Variants in METTL24 observed in about 807,000 individuals in gnomAD.
The protein encoded by METTL24 is probable methyltransferase-like protein 24.
A neutral mutation model predicts 32.7 loss-of-function variants in METTL24; 29 were observed. The ratio of observed to expected loss-of-function variants is 0.89; its 90% confidence interval spans 0.66 to 1.21. The LOEUF (loss-of-function observed/expected upper bound fraction) is 1.21. Among genes scored for constraint, METTL24 ranks in the 50% most tolerant of loss-of-function variants. The pLI is 0.00. For synonymous variants in METTL24, 163 were observed against 179.5 expected (o/e 0.91, Z 0.73); for missense variants, 439 against 468.1 (o/e 0.94, Z 0.57).
rs1399785259 is a variant in METTL24 at position 110,297,009 on chromosome 6, C to CA, written c.786+1912dup. Among the ~76,000 whole-genome samples, 7 of 150,458 alleles carry CA rather than the reference C, an allele frequency of 4.7e-5. No homozygotes were observed. In the East Asian group the frequency reaches 5.8e-4, roughly 13 times the overall value. On this transcript the variant is annotated intron_variant, in intron 4 of 4. Transcript: ENST00000338882. ...GTTGTTTTTGTTTTAAAGCATTCACCAAAAAAAAATCTCTATGGAAGAATA... is the reference window on the plus strand; with the variant it reads ...GTTGTTTTTGTTTTAAAGCATTCACCAAAAAAAAAATCTCTATGGAAGAATA...
At chr6:110,334,708 G>A (rs9400374) in intron 1 of METTL24, among the ~76,000 whole-genome samples, 99,398 of 152,052 alleles carry the variant, frequency 0.65, 33,545 homozygotes, top group Non-Finnish European at 0.74. Context: ...TTGGTTGCAC[G>A]TAACCGTGCA....
At position 110,244,686 on chromosome 6, in the gene METTL24, A is replaced by T. The variant is rs554181313; in HGVS notation, c.*1260T>A. Among the ~76,000 whole-genome samples, 12 of 152,138 alleles carry T rather than the reference A, an allele frequency of 7.9e-5. No individual in the cohort carries two copies. The highest frequency in any genetic ancestry group is 1.6e-4 in the Non-Finnish European group (11 of 68,018). On this transcript the variant is annotated 3_prime_UTR_variant, in exon 5 of 5. Transcript: ENST00000338882. ...ACCTCTTATAAAACCATCAGATCTC[A>T]TGAGAACTTACTCAGTATCATGAGA...
At chr6:110,272,334 G>A (rs545831550) in intron 4 of METTL24, among the ~76,000 whole-genome samples, 197 of 152,310 alleles carry the variant, frequency 1.3e-3, no homozygotes, top group African/African-American at 4.2e-3. Flanking sequence ...GTATTCCATG[G>A]TGTATACATA....
intron 4 of METTL24, among the ~76,000 whole-genome samples, chr6:110,261,796 C>T (rs1444616558): frequency 6.6e-6 from 1 of 152,140 alleles, no homozygotes; most frequent in East Asian, 1.9e-4. Flanking sequence ...CAAACTAGAA[C>T]TCAGGATTAA....
chr6:110,325,440 A>G (rs1772000684), intron 1 of METTL24, among the ~76,000 whole-genome samples: 1 of 152,226 alleles, frequency 6.6e-6, no homozygotes, highest in South Asian at 2.1e-4. Context: ...AACAGGCAGC[A>G]GGCTGGATTG....
At position 110,253,061 on chromosome 6, in the gene METTL24, G is replaced by A. The variant is rs982485986; in HGVS notation, c.787-6801C>T. Among the ~76,000 whole-genome samples, 14 of 152,192 alleles carry A rather than the reference G, an allele frequency of 9.2e-5. No homozygotes were observed. The East Asian group carries it at 9.6e-4, about 10-fold the overall frequency. On this transcript the variant is annotated intron_variant, in intron 4 of 4. Transcript: ENST00000338882. ...AAGTGATTCTAAGTGGCGTTCAAGC[G>A]TAGGCCGTAAAGGGTGATGCAGCTT...
intron 4 of METTL24, 130 bp from the exon 5 acceptor site, chr6:110,246,390 T>C (rs1778161552): frequency 1.4e-6 from 1 of 734,600 alleles, no homozygotes; most frequent in East Asian, 2.7e-5. Context: ...GGTTTTCAAG[T>C]GGCCATTTGC....
chr6:110,298,940 A>T lies in METTL24; in HGVS notation c.768T>A (p.Asn256Lys), dbSNP rs757645150. Residue 256 changes from asparagine to lysine, a missense_variant, in exon 4 of 5, where the codon AAT (asparagine) becomes AAA (lysine). Transcript: ENST00000338882. ...ACCTCACCTTGTGATGTCCAAATTC[A>T]TTCAAAATGCTTCCCAGTTTTCTGG... ...SNTRKLGSIL[N>K]EFGHHKIDVL... is the part of the protein sequence containing the mutation. The T allele has an allele frequency of 6.2e-7, 1 of 1,614,140 alleles. No individual in the cohort carries two copies.
chr6:110,312,863 T>C (rs1771748889), intron 3 of METTL24, among the ~76,000 whole-genome samples: 1 of 152,130 alleles, frequency 6.6e-6, no homozygotes, highest in African/African-American at 2.4e-5. Context: ...AAAGCAGAGA[T>C]TTTTTGAAAA....
chr6:110,257,279 T>A (rs1300835722), intron 4 of METTL24, among the ~76,000 whole-genome samples: 2 of 152,190 alleles, frequency 1.3e-5, no homozygotes, highest in African/African-American at 4.8e-5. Context: ...GTTTTTTATT[T>A]TGTTGTGGGT....
At chr6:110,355,799 C>T (rs554267236) in intron 1 of METTL24, among the ~76,000 whole-genome samples, 1 of 152,274 alleles carries the variant, frequency 6.6e-6, no homozygotes, top group South Asian at 2.1e-4. Context: ...CATCCAGAAA[C>T]CAACCACTTC....
At chr6:110,282,080 C>T (rs1771145872) in intron 4 of METTL24, among the ~76,000 whole-genome samples, 1 of 152,102 alleles carries the variant, frequency 6.6e-6, no homozygotes, top group Admixed American at 6.6e-5. Context: ...GTTTGAAACA[C>T]ACACCAGTTA....
In METTL24 at chr6:110,290,114, C is replaced by T. The variant is rs143550247; in HGVS notation, c.786+8808G>A. On this transcript the variant is annotated intron_variant, in intron 4 of 4. Transcript: ENST00000338882. ...TATTTTTTGTAGAGATGGGGTTTTG[C>T]CATGTTGTCCAGGCTGGTCTCAAAT... is the stretch of plus-strand genomic sequence containing the variant. Among the ~76,000 whole-genome samples the T allele has an allele frequency of 7.0e-3, 1,060 of 151,950 alleles. 7 individuals are homozygous for T. Among genetic ancestry groups the T allele is most frequent in the Middle Eastern group, 0.014 (4 of 294 alleles).
At chr6:110,331,714 T>C (rs1018265972) in intron 1 of METTL24, among the ~76,000 whole-genome samples, 1 of 141,810 alleles carries the variant, frequency 7.1e-6, no homozygotes, top group Non-Finnish European at 1.5e-5. Flanking sequence ...CCCCCAAATA[T>C]GATGGAAAAT....
chr6:110,285,149 A>G (rs559102765), intron 4 of METTL24, among the ~76,000 whole-genome samples: 3 of 152,350 alleles, frequency 2.0e-5, no homozygotes, highest in Admixed American at 2.0e-4. Context: ...ATTAAATCTT[A>G]AAATAAAACT....
chr6:110,318,148 C>CA (rs1771860320), intron 2 of METTL24, among the ~76,000 whole-genome samples: 1 of 152,064 alleles, frequency 6.6e-6, no homozygotes, highest in Non-Finnish European at 1.5e-5. Context: ...TGAAGATCCG[C>CA]AGTGAGGGCT....
chr6:110,336,242 C>T (rs1260321887), intron 1 of METTL24, among the ~76,000 whole-genome samples: 4 of 152,160 alleles, frequency 2.6e-5, no homozygotes, highest in South Asian at 2.1e-4. Context: ...GGGGCCAGCC[C>T]GAGTCCCTGA....
intron 1 of METTL24, among the ~76,000 whole-genome samples, chr6:110,335,448 AAAC>A (rs1342197313): frequency 6.6e-6 from 1 of 152,228 alleles, no homozygotes; most frequent in African/African-American, 2.4e-5. Context: ...CATTAAAGAA[AAAC>A]AACCTTCCAT....
intron 4 of METTL24, among the ~76,000 whole-genome samples, chr6:110,257,191 T>G (rs1169857687): frequency 6.6e-6 from 1 of 152,102 alleles, no homozygotes; most frequent in Non-Finnish European, 1.5e-5. Flanking sequence ...ATCTCAAATA[T>G]GTTTTCTAGT....
Sources: allele counts gnomAD v4.1 joint callset (sites outside exome capture counted in the v4.1 genomes callset), GRCh38; gene constraint gnomAD v4.1.1; transcripts MANE v1.5; gene names NCBI Gene and HGNC (gene_info 2026-07-23, HGNC 2026-07-21).